Variants in UBE2Q2 observed in about 807,000 individuals in gnomAD.
UBE2Q2 encodes ubiquitin conjugating enzyme E2 Q2.
Under a neutral mutation model 59.9 loss-of-function variants are expected in UBE2Q2, and 54 were observed. That is an observed-to-expected ratio of 0.90 (90% CI 0.72 to 1.13). UBE2Q2 has a LOEUF of 1.13. Ranked by LOEUF, UBE2Q2 falls within the 50% of genes most tolerant of loss-of-function variation. The pLI, the probability that UBE2Q2 is intolerant of heterozygous loss-of-function variation, is 0.00. For synonymous variants in UBE2Q2, 165 were observed against 155.2 expected (o/e 1.06, Z -0.47); for missense variants, 433 against 441.9 (o/e 0.98, Z 0.18).
At chr15:75,863,432 T>C (rs1897293017) in intron 3 of UBE2Q2, among the ~76,000 whole-genome samples, 1 of 151,902 alleles carries the variant, frequency 6.6e-6, no homozygotes, top group African/African-American at 2.4e-5. Flanking sequence ...TTCCTTCTGT[T>C]TTTTTTGTTT....
Position 75,878,030 on chromosome 15 carries a change from CT to C in UBE2Q2, c.734+14del. 1.2e-6 allele frequency: 2 copies of C among 1,612,784 alleles called. No individual in the cohort carries two copies. Among genetic ancestry groups the C allele is most frequent in the Non-Finnish European group, 1.7e-6 (2 of 1,179,174 alleles). ...CATGTTAAACTGCAGAAGTAAGTGGCTTTTTAATGCTCACCCACTCTTTGCA... is the reference window on the plus strand; with the variant it reads ...CATGTTAAACTGCAGAAGTAAGTGGCTTTTAATGCTCACCCACTCTTTGCA... On this transcript the variant is annotated intron_variant, in intron 7 of 12. Transcript: ENST00000267938.
chr15:75,894,672 A>AC (rs1343936688), intron 11 of UBE2Q2, among the ~76,000 whole-genome samples: 5 of 151,924 alleles, frequency 3.3e-5, no homozygotes, highest in African/African-American at 1.2e-4. Flanking sequence ...GAAGGGCTAG[A>AC]CCCCCAGTAC....
intron 3 of UBE2Q2, 123 bp from the exon 4 acceptor site, chr15:75,868,828 A>C: frequency 1.5e-6 from 1 of 670,368 alleles, no homozygotes; most frequent in Non-Finnish European, 2.5e-6. Context: ...TAATTTTAAT[A>C]AACTGTCTGG....
At chr15:75,852,265 C>T (rs1176121839) in intron 1 of UBE2Q2, among the ~76,000 whole-genome samples, 2 of 152,148 alleles carry the variant, frequency 1.3e-5, no homozygotes, top group Non-Finnish European at 2.9e-5. Context: ...ACCATGACTA[C>T]TAGTAGTTTG....
chr15:75,884,706 C>CT (rs34089203), intron 9 of UBE2Q2, among the ~76,000 whole-genome samples: 137,230 of 152,190 alleles, frequency 0.9, 63,005 homozygotes, highest in East Asian at 1. Flanking sequence ...GTTGCTCAGG[C>CT]TGGAGTGCAG....
At chr15:75,863,164 C>CT (rs1246749713) in intron 3 of UBE2Q2, among the ~76,000 whole-genome samples, 5 of 152,204 alleles carry the variant, frequency 3.3e-5, no homozygotes. Context: ...TACCTAGTGT[C>CT]TGAGTCTAGA....
intron 9 of UBE2Q2, among the ~76,000 whole-genome samples, chr15:75,883,900 G>T (rs1898604415): frequency 6.6e-6 from 1 of 151,986 alleles, no homozygotes; most frequent in Non-Finnish European, 1.5e-5. Context: ...CCATAAAAAA[G>T]CTAATGTTTT....
In UBE2Q2 at chr15:75,859,821, T is replaced by C. The variant is rs73449228; in HGVS notation, c.283-57T>C. On this transcript the variant is annotated intron_variant, in intron 2 of 12. Transcript: ENST00000267938. ...TTGATTACAGTAGTCATAACATTAT[T>C]GATGTCTTCTAAGGGCTCTTTAACA... 4.0e-6 allele frequency: 5 copies of C among 1,257,908 alleles called. No homozygotes were observed. The African/African-American group carries it at 7.7e-5, about 19-fold the overall frequency. 77.9% of individuals were successfully genotyped at this position (1,257,908 alleles called of 1,614,324 possible).
chr15:75,879,909 A>G (rs533079746), intron 8 of UBE2Q2, among the ~76,000 whole-genome samples: 4 of 152,324 alleles, frequency 2.6e-5, no homozygotes, highest in Admixed American at 1.3e-4. Flanking sequence ...AGGTTAGGGT[A>G]AGGAGTCCAT....
intron 5 of UBE2Q2, 108 bp downstream of exon 5, chr15:75,873,676 T>C (rs568439288): frequency 4.0e-6 from 5 of 1,261,904 alleles, no homozygotes; most frequent in East Asian, 4.8e-5. Flanking sequence ...TTCCTCCATT[T>C]CTGCCTTAGT....
At chr15:75,881,528 A>G (rs1425893308) in intron 8 of UBE2Q2, among the ~76,000 whole-genome samples, 3 of 152,166 alleles carry the variant, frequency 2.0e-5, no homozygotes, top group African/African-American at 7.2e-5. Context: ...GCCTAGGAAG[A>G]ATGTGATTGC....
Position 75,897,011 on chromosome 15 carries a change from C to T in UBE2Q2, c.1046C>T (p.Ala349Val). Residue 349 changes from alanine to valine, a missense_variant, in exon 12 of 13, where the codon GCA becomes GTA. Physicochemically the swap from Ala to Val is moderately conservative, Grantham distance 64. Coordinates refer to ENST00000267938, the MANE Select transcript of UBE2Q2 (RefSeq NM_173469.4). Reference sequence around the variant, plus strand: ...CTCTTTCAGAATCAATATAATCTAGCAAGAGCCCAACAATCCTATAATTCC... The same window carrying T: ...CTCTTTCAGAATCAATATAATCTAGTAAGAGCCCAACAATCCTATAATTCC... ...FGANKNQYNLARAQQSYNSIV... is the reference protein window; with the variant it reads ...FGANKNQYNLVRAQQSYNSIV... The T allele has an allele frequency of 1.3e-6, 2 of 1,567,074 alleles. No individual in the cohort carries two copies.
chr15:75,886,252 TGGG>T (rs1898761268), intron 9 of UBE2Q2, among the ~76,000 whole-genome samples: 1 of 152,052 alleles, frequency 6.6e-6, no homozygotes, highest in South Asian at 2.1e-4. Flanking sequence ...CCTGAGTAGC[TGGG>T]ACTATAGGCA....
At chr15:75,876,325 G>T in intron 6 of UBE2Q2, 54 bp downstream of exon 6, 1 of 1,450,686 alleles carries the variant, frequency 6.9e-7, no homozygotes, top group Middle Eastern at 1.8e-4. Context: ...CTTTTCTATT[G>T]TCAGATTATA....
At chr15:75,872,342 A>ATGC (rs1411074925) in intron 4 of UBE2Q2, among the ~76,000 whole-genome samples, 1 of 151,064 alleles carries the variant, frequency 6.6e-6, no homozygotes, top group Non-Finnish European at 1.5e-5. Context: ...AAAAGCCGAG[A>ATGC]TGCGTATAAA....
intron 1 of UBE2Q2, among the ~76,000 whole-genome samples, chr15:75,852,714 A>C (rs1896694423): frequency 6.6e-6 from 1 of 152,236 alleles, no homozygotes; most frequent in East Asian, 1.9e-4. Context: ...AAGAATTTGA[A>C]GAAGAAAATG....
chr15:75,879,684 A>G lies in UBE2Q2; in HGVS notation c.825+496A>G, dbSNP rs183517905. Reference sequence around the variant, plus strand: ...TATTAAAATGGTCTGCTGCCCTCCAAAGGGCCACAGAACATAAACAGATAT... The same window carrying G: ...TATTAAAATGGTCTGCTGCCCTCCAGAGGGCCACAGAACATAAACAGATAT... On this transcript the variant is annotated intron_variant, in intron 8 of 12. Coordinates refer to ENST00000267938, the MANE Select transcript of UBE2Q2 (RefSeq NM_173469.4). 6.0e-4 allele frequency among the ~76,000 whole-genome samples: 92 copies of G among 152,278 alleles called. No homozygotes were observed. In the East Asian group the frequency reaches 0.014, roughly 23 times the overall value.
intron 6 of UBE2Q2, among the ~76,000 whole-genome samples, chr15:75,876,750 ATTC>A (rs1253758214): frequency 6.6e-6 from 1 of 152,216 alleles, no homozygotes; most frequent in African/African-American, 2.4e-5. Flanking sequence ...TTTGACGAGT[ATTC>A]TTACTCAATA....
At chr15:75,872,922 A>G (rs539995732) in intron 4 of UBE2Q2, among the ~76,000 whole-genome samples, 1 of 152,252 alleles carries the variant, frequency 6.6e-6, no homozygotes, top group South Asian at 2.1e-4. Flanking sequence ...AAATTAGGCT[A>G]TGTTAGTATT....
Sources: gnomAD v4.1 joint callset for allele counts (sites outside exome capture counted in the v4.1 genomes callset) on GRCh38, gnomAD v4.1.1 for gene constraint, MANE v1.5 for transcripts, NCBI Gene and HGNC (gene_info 2026-07-23, HGNC 2026-07-21) for gene names.